Variants in ACSM1 observed in about 807,000 individuals in gnomAD.
ACSM1 encodes acyl-coenzyme A synthetase ACSM1, mitochondrial.
ACSM1 carries 79 observed loss-of-function variants against 75.8 expected under a neutral mutation model. The ratio of observed to expected loss-of-function variants is 1.04; its 90% confidence interval spans 0.87 to 1.26. The LOEUF is 1.26. Among genes scored for constraint, ACSM1 ranks in the 50% most tolerant of loss-of-function variants. The probability of loss-of-function intolerance (pLI) is 0.00; values close to 1 mark genes in which losing one functional copy is unlikely to be tolerated. For missense variants in ACSM1, 676 were observed against 720.1 expected, an observed-to-expected ratio of 0.94 and a Z score of 0.70; for synonymous variants, 279 against 265.8, an observed-to-expected ratio of 1.05 and a Z score of -0.48.
At chr16:20,627,742 T>C (rs2017038103) in intron 10 of ACSM1, among the ~76,000 whole-genome samples, 1 of 150,944 alleles carries the variant, frequency 6.6e-6, no homozygotes, top group Non-Finnish European at 1.5e-5. Context: ...GGCAGGAGAA[T>C]CGCTTGAACC....
At chr16:20,682,701 C>A (rs571108850) in intron 3 of ACSM1, among the ~76,000 whole-genome samples, 13 of 152,242 alleles carry the variant, frequency 8.5e-5, no homozygotes, top group African/African-American at 2.9e-4. Context: ...ATTTGTAAGC[C>A]CTGCCCTAAT....
chr16:20,665,950 C>A (rs1014993881), intron 6 of ACSM1, among the ~76,000 whole-genome samples: 3 of 152,044 alleles, frequency 2.0e-5, no homozygotes, highest in Admixed American at 2.0e-4. Context: ...CATGATAAAG[C>A]CCCTCAAGAA....
intron 10 of ACSM1, among the ~76,000 whole-genome samples, chr16:20,631,226 G>A (rs1388108793): frequency 1.3e-5 from 2 of 152,190 alleles, no homozygotes; most frequent in African/African-American, 4.8e-5. Context: ...GGCCTCACAT[G>A]GAGAATGGGA....
chr16:20,628,443 CT>C (rs1389061052), intron 10 of ACSM1, among the ~76,000 whole-genome samples: 2 of 152,160 alleles, frequency 1.3e-5, no homozygotes, highest in African/African-American at 2.4e-5. Flanking sequence ...CTCCTCTCAC[CT>C]TCCCTGACCC....
Position 20,623,572 on chromosome 16 carries a change from C to T in ACSM1, c.1648G>A (p.Val550Met). 1 of 1,613,956 alleles carries T rather than the reference C, an allele frequency of 6.2e-7. No individual in the cohort carries two copies. The change falls in exon 14 of 14, where the codon GTG (valine) becomes ATG (methionine). Residue 550 changes from valine to methionine, a missense_variant and splice_region_variant. Coordinates refer to ENST00000520010, the MANE Select transcript of ACSM1 (RefSeq NM_001318890.3). ...TTTGGCAGCTCTGAGACAAACTCCA[C>T]CTGGTTGAGGATAAAGCAAATCCAC... ...VTAPYKYPRK[V>M]EFVSELPKTI... is the part of the protein sequence containing the mutation.
intron 12 of ACSM1, 42 bp downstream of exon 12, chr16:20,625,381 A>G: frequency 6.3e-7 from 1 of 1,588,142 alleles, no homozygotes; most frequent in Non-Finnish European, 8.6e-7. Context: ...CTGCTTTCCT[A>G]GTGCCCACGC....
intron 11 of ACSM1, 58 bp downstream of exon 11, chr16:20,627,131 A>G: frequency 6.8e-7 from 1 of 1,474,120 alleles, no homozygotes; most frequent in South Asian, 1.5e-5. Context: ...CTAGGTAAGC[A>G]AAATTCCGTG....
chr16:20,628,554 T>C (rs2017133908), intron 10 of ACSM1, among the ~76,000 whole-genome samples: 1 of 152,190 alleles, frequency 6.6e-6, no homozygotes, highest in South Asian at 2.1e-4. Context: ...GGGACTGTTT[T>C]TTTTTTTCTC....
chr16:20,642,647 C>T (rs2018131306), intron 7 of ACSM1, among the ~76,000 whole-genome samples: 1 of 152,248 alleles, frequency 6.6e-6, no homozygotes, highest in Non-Finnish European at 1.5e-5. Context: ...ATCTCCAAGC[C>T]TTGACTCCTT....
At chr16:20,635,742 T>A (rs2017668732) in intron 10 of ACSM1, among the ~76,000 whole-genome samples, 1 of 151,854 alleles carries the variant, frequency 6.6e-6, no homozygotes, top group Non-Finnish European at 1.5e-5. Context: ...CGGGTTTAAG[T>A]GATTCTCCTG....
chr16:20,662,811 T>A (rs2019365275), intron 6 of ACSM1, among the ~76,000 whole-genome samples: 1 of 152,124 alleles, frequency 6.6e-6, no homozygotes. Context: ...AAAATTTTTG[T>A]CCTACTCTCA....
chr16:20,633,998 T>C (rs186803761), intron 10 of ACSM1, among the ~76,000 whole-genome samples: 3 of 152,258 alleles, frequency 2.0e-5, no homozygotes, highest in East Asian at 1.9e-4. Flanking sequence ...AAAACTACAG[T>C]AATAGAAACA....
chr16:20,689,743 C>G (rs914257813), intron 2 of ACSM1, among the ~76,000 whole-genome samples: 6 of 152,108 alleles, frequency 3.9e-5, no homozygotes, highest in Non-Finnish European at 8.8e-5. Context: ...CCTCTCCAAC[C>G]CATCTTGTTT....
chr16:20,664,040 G>C (rs2019434465), intron 6 of ACSM1, among the ~76,000 whole-genome samples: 1 of 152,160 alleles, frequency 6.6e-6, no homozygotes, highest in Non-Finnish European at 1.5e-5. Context: ...CAGTAGGGGT[G>C]TGGAACGGAG....
In ACSM1 at chr16:20,682,458, T is replaced by C. The variant is rs756199175; in HGVS notation, c.409A>G (p.Ile137Val). The C allele has an allele frequency of 1.2e-6, 2 of 1,613,154 alleles. No individual in the cohort carries two copies. Among genetic ancestry groups the C allele is most frequent in the South Asian group, 1.1e-5 (1 of 90,916 alleles). ...AACAGGATGGTCGCAGGAATGAAGA[T>C]GATCCCTGGGGATGAGAAAGGAACT... ...VAVGCMRTGI[I>V]FIPATILLKA... The change falls in exon 4 of 14, where the codon ATC (isoleucine) becomes GTC (valine). Residue 137 changes from isoleucine (I) to valine (V), a missense_variant. Physicochemically the swap from Ile to Val is conservative, Grantham distance 29 (BLOSUM62 3). Transcript: ENST00000520010.
At chr16:20,664,959 G>A (rs894769720) in intron 6 of ACSM1, among the ~76,000 whole-genome samples, 4 of 151,994 alleles carry the variant, frequency 2.6e-5, no homozygotes, top group Non-Finnish European at 5.9e-5. Flanking sequence ...TGAAAATAGA[G>A]ATACCATCTA....
chr16:20,670,726 A>T (rs764876234), intron 5 of ACSM1, among the ~76,000 whole-genome samples: 6 of 152,114 alleles, frequency 3.9e-5, no homozygotes, highest in Non-Finnish European at 2.9e-5. Context: ...TACTTTTTAT[A>T]TCTTTGTGTC....
At chr16:20,654,715 C>T (rs2018850443) in intron 7 of ACSM1, among the ~76,000 whole-genome samples, 1 of 152,206 alleles carries the variant, frequency 6.6e-6, no homozygotes, top group Non-Finnish European at 1.5e-5. Context: ...CATCTCACAC[C>T]AGTTAGAATG....
chr16:20,673,855 T>C (rs1451508586), intron 4 of ACSM1, among the ~76,000 whole-genome samples: 1 of 152,228 alleles, frequency 6.6e-6, no homozygotes, highest in East Asian at 1.9e-4. Flanking sequence ...CCCCTGACTT[T>C]ACAAATCTCC....
Sources: gnomAD v4.1 joint callset for allele counts (sites outside exome capture counted in the v4.1 genomes callset) on GRCh38, gnomAD v4.1.1 for gene constraint, MANE v1.5 for transcripts, NCBI Gene and HGNC (gene_info 2026-07-23, HGNC 2026-07-21) for gene names.